BASP1: variants seen among roughly 807,000 people sequenced by gnomAD.
BASP1 encodes the protein brain abundant membrane attached signal protein 1, also known as brain acid soluble protein 1.
BASP1 carries 1 observed loss-of-function variant against 2.2 expected under a neutral mutation model. The observed-to-expected ratio is 0.46, with a 90% CI of 0.16 to 2.17. The LOEUF (loss-of-function observed/expected upper bound fraction) is 2.17. Among genes scored for constraint, BASP1 ranks in the 30% most tolerant of loss-of-function variants. The pLI, the probability that BASP1 is intolerant of heterozygous loss-of-function variation, is 0.27. For missense variants in BASP1, 352 were observed against 327.2 expected (o/e 1.08, Z -0.58); for synonymous variants, 187 against 154.2 (o/e 1.21, Z -1.58).
chr5:17,247,013 C>G (rs547420555), intron 1 of BASP1, among the ~76,000 whole-genome samples: 2 of 152,214 alleles, frequency 1.3e-5, no homozygotes, highest in Admixed American at 1.3e-4. Flanking sequence ...ATGGCGAAAC[C>G]CTGTGTCTAC....
At position 17,236,985 on chromosome 5, in the gene BASP1, T is replaced by A. The variant is rs1021871790; in HGVS notation, c.-10+19175T>A. Among the ~76,000 whole-genome samples, 1 of 152,214 alleles carries A rather than the reference T, an allele frequency of 6.6e-6. No homozygotes were observed. The highest frequency in any genetic ancestry group is 1.5e-5 in the Non-Finnish European group (1 of 68,038). On this transcript the variant is annotated intron_variant, in intron 1 of 1. Coordinates refer to ENST00000322611, the MANE Select transcript of BASP1 (RefSeq NM_006317.5). The surrounding 1 kb of genome is among the most constrained non-coding windows in gnomAD (Gnocchi z 4.0). ...AGATTTTTCTGTATACTTTGAAAGC[T>A]AATGAAATCTACCAGCCCACCGGGT...
At chr5:17,270,366 T>G (rs1333021250) in intron 1 of BASP1, among the ~76,000 whole-genome samples, 1 of 152,210 alleles carries the variant, frequency 6.6e-6, no homozygotes, top group Non-Finnish European at 1.5e-5. Flanking sequence ...TAACTAATCT[T>G]TGGTTTTTAT....
At chr5:17,230,220 G>A (rs1202991110) in intron 1 of BASP1, among the ~76,000 whole-genome samples, 1 of 152,092 alleles carries the variant, frequency 6.6e-6, no homozygotes, top group African/African-American at 2.4e-5. Flanking sequence ...TTTCTTTTAG[G>A]GATTCATTAG....
rs547755381 is a variant in BASP1, at chr5:17,251,964, A to G, written c.-9-23244A>G. Among the ~76,000 whole-genome samples the G allele has an allele frequency of 3.3e-5, 5 of 152,276 alleles. No homozygotes were observed. Among genetic ancestry groups the G allele is most frequent in the African/African-American group, 7.2e-5 (3 of 41,556 alleles). On this transcript the variant is annotated intron_variant, in intron 1 of 1. Coordinates refer to ENST00000322611, the MANE Select transcript of BASP1 (RefSeq NM_006317.5). This position sits in a 1 kb window ranked among gnomAD's most constrained non-coding sequence, Gnocchi z 4.0. ...AGAGTGTAGACAAAGAATCCTCAGT[A>G]TCCCAGAGGGCTTTCAAAACCCTTC...
At chr5:17,221,130 TAATC>T (rs1235002899) in intron 1 of BASP1, among the ~76,000 whole-genome samples, 1 of 152,200 alleles carries the variant, frequency 6.6e-6, no homozygotes, top group Non-Finnish European at 1.5e-5. Context: ...CTTTGGAACA[TAATC>T]AATTTCTGTC....
intron 1 of BASP1, among the ~76,000 whole-genome samples, chr5:17,237,854 A>C (rs1373076087): frequency 6.7e-6 from 1 of 150,282 alleles, no homozygotes; most frequent in African/African-American, 2.5e-5. Context: ...CAAGTGATCC[A>C]CCCACGTCGG....
At chr5:17,223,550 G>A (rs1438299177) in intron 1 of BASP1, among the ~76,000 whole-genome samples, 1 of 152,182 alleles carries the variant, frequency 6.6e-6, no homozygotes, top group Non-Finnish European at 1.5e-5. Context: ...TTAAGAATAC[G>A]CTAAATACGT....
chr5:17,217,085 A>AGAGAGAGAGAGAGAGAGAGAGG (rs1739261738), upstream of BASP1: 1 of 141,276 alleles, frequency 7.1e-6, no homozygotes, highest in African/African-American at 2.9e-5. Flanking sequence ...AGAGAGAGAG[A>AGAGAGAGAGAGAGAGAGAGAGG]GAGAGAGAGA....
intron 1 of BASP1, among the ~76,000 whole-genome samples, chr5:17,242,868 C>A (rs1032299754): frequency 4.6e-5 from 7 of 150,636 alleles, no homozygotes; most frequent in Non-Finnish European, 1.0e-4. Context: ...AAAAGGTAAT[C>A]GTAAGCATTT....
intron 1 of BASP1, among the ~76,000 whole-genome samples, chr5:17,242,990 C>T (rs1323208637): frequency 1.3e-5 from 2 of 151,916 alleles, no homozygotes; most frequent in Non-Finnish European, 2.9e-5. Flanking sequence ...CCCTGTAAGT[C>T]TGTGCCTTTC....
chr5:17,244,743 GTGCAGTGGTGCGATCTTGGCTAAC>G (rs1739943572), intron 1 of BASP1, among the ~76,000 whole-genome samples: 1 of 149,018 alleles, frequency 6.7e-6, no homozygotes, highest in Non-Finnish European at 1.5e-5. Flanking sequence ...CCAGGCTGTA[GTGCAGTGGTGCGATCTTGGCTAAC>G]TGCAACCTCC....
At chr5:17,271,169 G>A (rs902463886) in intron 1 of BASP1, among the ~76,000 whole-genome samples, 1 of 152,154 alleles carries the variant, frequency 6.6e-6, no homozygotes, top group African/African-American at 2.4e-5. Context: ...TTGAGGCAGG[G>A]TCTCACTCTG....
chr5:17,272,919 A>C (rs1392644407), intron 1 of BASP1, among the ~76,000 whole-genome samples: 1 of 152,138 alleles, frequency 6.6e-6, no homozygotes, highest in Non-Finnish European at 1.5e-5. Flanking sequence ...GCTGTATAGA[A>C]TTTCATGCTG....
At chr5:17,227,054 G>C (rs557512040) in intron 1 of BASP1, among the ~76,000 whole-genome samples, 86 of 113,034 alleles carry the variant, frequency 7.6e-4, no homozygotes, top group African/African-American at 2.9e-3. Flanking sequence ...TCAGCCTCCC[G>C]AGTAGCTGGG....
At chr5:17,263,250 G>T (rs150842687) in intron 1 of BASP1, among the ~76,000 whole-genome samples, 2 of 152,002 alleles carry the variant, frequency 1.3e-5, no homozygotes, top group Admixed American at 6.6e-5. Flanking sequence ...GTCTCATTGT[G>T]TATCTTTATG....
intron 1 of BASP1, among the ~76,000 whole-genome samples, chr5:17,262,877 T>G (rs1328743761): frequency 6.6e-6 from 1 of 151,846 alleles, no homozygotes; most frequent in African/African-American, 2.4e-5. Context: ...GAAGGAGTCT[T>G]GCTCTGGCGC....
chr5:17,224,796 C>T (rs763270617), intron 1 of BASP1, among the ~76,000 whole-genome samples: 11 of 152,180 alleles, frequency 7.2e-5, no homozygotes, highest in Non-Finnish European at 1.0e-4. Flanking sequence ...CCCCAAATGT[C>T]TTACTTATCT....
intron 1 of BASP1, among the ~76,000 whole-genome samples, chr5:17,220,226 C>G (rs1739370396): frequency 6.6e-6 from 1 of 152,094 alleles, no homozygotes; most frequent in South Asian, 2.1e-4. Context: ...TATCAGGGCC[C>G]ATCTACTGGC....
chr5:17,246,016 A>G (rs1222961900), intron 1 of BASP1, among the ~76,000 whole-genome samples: 2 of 152,074 alleles, frequency 1.3e-5, no homozygotes, highest in African/African-American at 4.8e-5. Context: ...AAAAAACACC[A>G]CGGTTAGATG....
Sources: gnomAD v4.1 joint callset for allele counts (sites outside exome capture counted in the v4.1 genomes callset) on GRCh38, gnomAD v4.1.1 for gene constraint, Gnocchi (gnomAD v3.1) non-coding constraint, MANE v1.5 for transcripts, NCBI Gene and HGNC (gene_info 2026-07-23, HGNC 2026-07-21) for gene names.